The following PTPRG variants were observed in gnomAD, a reference collection of about 807,000 sequenced individuals.
PTPRG encodes receptor-type tyrosine-protein phosphatase gamma.
Under a neutral mutation model 165.3 loss-of-function variants are expected in PTPRG, and 102 were observed. The observed-to-expected ratio is 0.62, with a 90% CI of 0.53 to 0.73. The LOEUF is 0.73. Ranked by LOEUF, PTPRG falls within the 30% of genes least tolerant of loss-of-function variation. The pLI is 0.00. For missense variants in PTPRG, 1,866 were observed against 1,861.4 expected (o/e 1.00, Z -0.05); for synonymous variants, 675 against 669.5 (o/e 1.01, Z -0.13).
chr3:61,957,319 T>C (rs1050880110), intron 2 of PTPRG, among the ~76,000 whole-genome samples: 7 of 152,244 alleles, frequency 4.6e-5, no homozygotes, highest in African/African-American at 1.4e-4. Flanking sequence ...AGTGAATAAA[T>C]TATTTTGAAA....
At chr3:62,155,084 G>T (rs1704485565) in intron 6 of PTPRG, among the ~76,000 whole-genome samples, 1 of 152,226 alleles carries the variant, frequency 6.6e-6, no homozygotes, top group Admixed American at 6.5e-5. Context: ...CTTGCCAGTG[G>T]GCGGAGGGGC....
chr3:62,288,672 CAAAAAA>C (rs781432160), intron 28 of PTPRG, among the ~76,000 whole-genome samples: 1 of 81,684 alleles, frequency 1.2e-5, no homozygotes. Flanking sequence ...TACTCCGTCA[CAAAAAA>C]AAAAAAAAAA....
intron 2 of PTPRG, among the ~76,000 whole-genome samples, chr3:61,853,987 CT>C (rs1216001868): frequency 6.6e-6 from 1 of 152,198 alleles, no homozygotes; most frequent in Non-Finnish European, 1.5e-5. Flanking sequence ...CATCAAAGTC[CT>C]TCCTGTGCTG....
chr3:61,976,064 A>G (rs1277816440), intron 2 of PTPRG, among the ~76,000 whole-genome samples: 1 of 152,094 alleles, frequency 6.6e-6, no homozygotes, highest in Non-Finnish European at 1.5e-5. Context: ...ACTGTTGGGA[A>G]CCCTGCAATG....
intron 4 of PTPRG, among the ~76,000 whole-genome samples, chr3:62,052,152 C>T (rs6810373): frequency 0.54 from 81,926 of 152,004 alleles, 22,743 homozygotes; most frequent in Middle Eastern, 0.65. Context: ...CCATAAGTCT[C>T]ATCTGCAATA....
Position 62,218,963 on chromosome 3 carries a change from T to G in PTPRG, c.2268T>G (p.Ile756Met). 1 of 1,614,010 alleles carries G rather than the reference T, an allele frequency of 6.2e-7. No individual in the cohort carries two copies. Residue 756 changes from isoleucine to methionine, a missense_variant, in exon 13 of 30, where the codon ATT (isoleucine) becomes ATG (methionine). Physicochemically the swap from Ile to Met is conservative, Grantham distance 10 (BLOSUM62 1). This residue lies in a region of PTPRG where 1,452 missense variants were observed against 1,463.0 expected (regional missense o/e 0.99). Transcript: ENST00000474889. Reference protein sequence around the residue: ...ALTFVCLILLIAVLVYWRGCN... With the variant: ...ALTFVCLILLMAVLVYWRGCN... Reference sequence around the variant, plus strand: ...CCTTCGTGTGCCTCATCCTTCTCATTGCTGTGCTCGTTTACTGGAGGTAAG... The same window carrying G: ...CCTTCGTGTGCCTCATCCTTCTCATGGCTGTGCTCGTTTACTGGAGGTAAG...
chr3:61,738,295 T>TACATATATATATATAC (rs2032820701), intron 1 of PTPRG, among the ~76,000 whole-genome samples: 4 of 69,670 alleles, frequency 5.7e-5, no homozygotes, highest in African/African-American at 2.2e-4. Flanking sequence ...TATATATATA[T>TACATATATATATATAC]ATATATATAT....
intron 1 of PTPRG, among the ~76,000 whole-genome samples, chr3:61,621,015 A>G (rs1370537919): frequency 1.4e-5 from 2 of 146,028 alleles, no homozygotes; most frequent in African/African-American, 5.1e-5. Context: ...ATTTGGACCC[A>G]TGCCCCAGTG....
At chr3:61,788,656 A>G (rs1289733129) in intron 2 of PTPRG, among the ~76,000 whole-genome samples, 2 of 152,238 alleles carry the variant, frequency 1.3e-5, no homozygotes, top group Non-Finnish European at 2.9e-5. Flanking sequence ...TTCTAGCTAC[A>G]GTTTGTTCTA....
chr3:61,843,621 A>G (rs1210228868), intron 2 of PTPRG, among the ~76,000 whole-genome samples: 1 of 152,188 alleles, frequency 6.6e-6, no homozygotes, highest in Admixed American at 6.5e-5. Context: ...CAAAACTAAG[A>G]GGTTTATCCC....
chr3:62,226,232 A>G (rs1313623387), intron 13 of PTPRG, among the ~76,000 whole-genome samples: 1 of 152,232 alleles, frequency 6.6e-6, no homozygotes, highest in African/African-American at 2.4e-5. Flanking sequence ...GCCTGGTGGC[A>G]TATACTTCCC....
At chr3:61,721,085 C>T (rs751353840) in intron 1 of PTPRG, among the ~76,000 whole-genome samples, 2 of 152,136 alleles carry the variant, frequency 1.3e-5, no homozygotes, top group Non-Finnish European at 2.9e-5. Flanking sequence ...GTAAATTTAA[C>T]CAAGCATAAT....
At chr3:62,001,966 G>T (rs1487531903) in intron 3 of PTPRG, among the ~76,000 whole-genome samples, 2 of 152,162 alleles carry the variant, frequency 1.3e-5, no homozygotes, top group Non-Finnish European at 2.9e-5. Context: ...GCCCAACACA[G>T]AGTGAAGGTG....
intron 2 of PTPRG, among the ~76,000 whole-genome samples, chr3:61,758,010 G>T (rs542669942): frequency 6.6e-6 from 1 of 152,074 alleles, no homozygotes. Context: ...CTAACAAAAC[G>T]TTCTCTTTCA....
chr3:62,112,488 A>G (rs2106863092), intron 5 of PTPRG, among the ~76,000 whole-genome samples: 1 of 152,364 alleles, frequency 6.6e-6, no homozygotes, highest in East Asian at 1.9e-4. Flanking sequence ...TATGAGAATG[A>G]TTATTTGTTC....
chr3:62,028,899 A>G (rs1270296734), intron 4 of PTPRG, among the ~76,000 whole-genome samples: 1 of 152,080 alleles, frequency 6.6e-6, no homozygotes, highest in Non-Finnish European at 1.5e-5. Flanking sequence ...TTGAGTTTGT[A>G]GATTATGAGT....
intron 1 of PTPRG, among the ~76,000 whole-genome samples, chr3:61,695,026 T>C (rs1376858500): frequency 1.3e-5 from 2 of 152,104 alleles, no homozygotes; most frequent in African/African-American, 4.8e-5. Flanking sequence ...CTTTTTTTTT[T>C]TGAGACAGAG....
chr3:61,630,305 A>G (rs1364365489), intron 1 of PTPRG, among the ~76,000 whole-genome samples: 2 of 152,190 alleles, frequency 1.3e-5, no homozygotes, highest in African/African-American at 4.8e-5. Flanking sequence ...CAAGGAGTTG[A>G]CTTGAGCTAA....
chr3:61,836,959 G>A (rs1390879545), intron 2 of PTPRG, among the ~76,000 whole-genome samples: 3 of 151,944 alleles, frequency 2.0e-5, no homozygotes, highest in African/African-American at 7.3e-5. Flanking sequence ...CGCCCAGGCT[G>A]GAGTGCAATG....
Sources: gnomAD v4.1 joint callset for allele counts (sites outside exome capture counted in the v4.1 genomes callset) on GRCh38, gnomAD v4.1.1 for gene constraint, gnomAD v4.1.1 regional missense constraint, MANE v1.5 for transcripts, NCBI Gene and HGNC (gene_info 2026-07-23, HGNC 2026-07-21) for gene names.